The following MTUS2 variants were observed in gnomAD, a reference collection of about 807,000 sequenced individuals.
MTUS2 encodes microtubule-associated tumor suppressor candidate 2.
In MTUS2, 40 loss-of-function variants were observed where a neutral mutation model predicts 114.1. The observed-to-expected ratio is 0.35, with a 90% CI of 0.27 to 0.46. The LOEUF (loss-of-function observed/expected upper bound fraction) is 0.46. Among genes scored for constraint, MTUS2 ranks in the 20% least tolerant of loss-of-function variants. MTUS2 has a pLI of 1.00. For synonymous variants in MTUS2, 688 were observed against 672.0 expected (o/e 1.02, Z -0.37); for missense variants, 1,679 against 1,705.4 (o/e 0.98, Z 0.27).
At chr13:28,859,659 A>G (rs528356374) in intron 2 of MTUS2, among the ~76,000 whole-genome samples, 13 of 152,316 alleles carry the variant, frequency 8.5e-5, no homozygotes, top group African/African-American at 3.1e-4. Context: ...TTTGCAAAAC[A>G]TATTTAACTT....
At chr13:29,143,138 C>G (rs918176288) in intron 5 of MTUS2, among the ~76,000 whole-genome samples, 1 of 152,210 alleles carries the variant, frequency 6.6e-6, no homozygotes, top group Non-Finnish European at 1.5e-5. Flanking sequence ...AAGGCATTCT[C>G]TAAGTCCTGT....
chr13:28,928,115 G>C (rs192323812), intron 2 of MTUS2, among the ~76,000 whole-genome samples: 39 of 152,094 alleles, frequency 2.6e-4, no homozygotes, highest in Middle Eastern at 3.4e-3. Context: ...ATGGAATAAA[G>C]ACTTAAATCT....
intron 2 of MTUS2, among the ~76,000 whole-genome samples, chr13:28,988,041 A>C (rs1226163377): frequency 6.6e-6 from 1 of 152,174 alleles, no homozygotes; most frequent in African/African-American, 2.4e-5. Flanking sequence ...TGGAGGAGGG[A>C]CCCAGGTAGC....
intron 5 of MTUS2, chr13:29,239,694 A>T (rs1351836599): frequency 6.6e-6 from 1 of 151,910 alleles, no homozygotes. Flanking sequence ...CATATCTGAC[A>T]AATAATCTGA....
intron 5 of MTUS2, among the ~76,000 whole-genome samples, chr13:29,232,329 C>T (rs1313439662): frequency 1.3e-5 from 2 of 150,904 alleles, no homozygotes; most frequent in East Asian, 1.9e-4. Flanking sequence ...CACACGCACA[C>T]ATACACATAT....
chr13:29,114,893 T>A (rs936007971), intron 5 of MTUS2, among the ~76,000 whole-genome samples: 1 of 152,136 alleles, frequency 6.6e-6, no homozygotes, highest in African/African-American at 2.4e-5. Flanking sequence ...AACAGAAAAA[T>A]TTTTTAAGTA....
rs76362346 is a variant in MTUS2, at chr13:29,092,517, C to T, written c.2447-8256C>T. 5.6e-3 allele frequency among the ~76,000 whole-genome samples: 852 copies of T among 152,308 alleles called. 6 individuals are homozygous for T. Among genetic ancestry groups the T allele is most frequent in the African/African-American group, 0.019 (802 of 41,580 alleles). ...ATTCTTCTTCACCCACCTCACCCTT[C>T]GATTGTCAGAGTAACCTTATTCATC... is the stretch of plus-strand genomic sequence containing the variant. On this transcript the variant is annotated intron_variant, in intron 4 of 15. Coordinates refer to ENST00000612955, the MANE Select transcript of MTUS2 (RefSeq NM_001033602.4).
chr13:29,253,444 A>G (rs1226005586), intron 5 of MTUS2, among the ~76,000 whole-genome samples: 1 of 152,094 alleles, frequency 6.6e-6, no homozygotes, highest in Admixed American at 6.5e-5. Context: ...AATTAAAAAT[A>G]TAAATAAAAA....
chr13:29,434,271 G>A (rs1198168098), intron 8 of MTUS2, among the ~76,000 whole-genome samples: 2 of 152,122 alleles, frequency 1.3e-5, no homozygotes, highest in Admixed American at 6.5e-5. Context: ...AAAGTTAGAG[G>A]GAAAAGGGGC....
intron 5 of MTUS2, among the ~76,000 whole-genome samples, chr13:29,115,451 G>A (rs1891049581): frequency 6.6e-6 from 1 of 152,160 alleles, no homozygotes; most frequent in South Asian, 2.1e-4. Flanking sequence ...TTTTGACCAG[G>A]CCATATGTCA....
intron 2 of MTUS2, among the ~76,000 whole-genome samples, chr13:28,865,479 T>C (rs1361667816): frequency 6.6e-6 from 1 of 152,248 alleles, no homozygotes; most frequent in African/African-American, 2.4e-5. Flanking sequence ...CAAATTGCCA[T>C]GCTTTTCTCA....
At chr13:28,856,138 C>T (rs1876612330) in intron 2 of MTUS2, among the ~76,000 whole-genome samples, 1 of 152,114 alleles carries the variant, frequency 6.6e-6, no homozygotes, top group Non-Finnish European at 1.5e-5. Flanking sequence ...AAGATGTTCC[C>T]AGGCAGAACA....
chr13:29,324,647 G>T lies in MTUS2; in HGVS notation c.2841G>T (p.Thr947=). ...TKKDAQKDQD[T]NKPAVSSPKR... ...AAGATGCTCAGAAAGATCAAGATAC[G>T]AATAAACCTGCTGTTTCATCTCCTA... Residue 947 remains threonine, a synonymous_variant, in exon 7 of 16, where the codon ACG becomes ACT. Transcript: ENST00000612955. 2 of 1,594,906 alleles carry T rather than the reference G, an allele frequency of 1.3e-6. No individual in the cohort carries two copies. Among genetic ancestry groups the T allele is most frequent in the Non-Finnish European group, 1.7e-6 (2 of 1,170,260 alleles).
intron 2 of MTUS2, among the ~76,000 whole-genome samples, chr13:28,956,381 A>G (rs558409260): frequency 2.0e-5 from 3 of 152,130 alleles, no homozygotes; most frequent in East Asian, 3.9e-4. Flanking sequence ...CATCAGTTCA[A>G]TAGGGCGGCA....
At chr13:29,106,660 A>G (rs1241310171) in intron 5 of MTUS2, among the ~76,000 whole-genome samples, 1 of 152,094 alleles carries the variant, frequency 6.6e-6, no homozygotes, top group South Asian at 2.1e-4. Flanking sequence ...TGGCCATGTC[A>G]TGGCTGCTTT....
In MTUS2 at chr13:29,108,829, C is replaced by T. The variant is rs150563797; in HGVS notation, c.2644+7859C>T. Among the ~76,000 whole-genome samples, 3 of 152,298 alleles carry T rather than the reference C, an allele frequency of 2.0e-5. No homozygotes were observed. The East Asian group carries it at 5.8e-4, about 29-fold the overall frequency. On this transcript the variant is annotated intron_variant, in intron 5 of 15. Transcript: ENST00000612955. ...CTGGCTCAGCACTACTGCATTATGT[C>T]TTCAGATGGAATTCTTCCACATTGG...
chr13:29,380,558 G>C (rs2138360164), intron 8 of MTUS2, among the ~76,000 whole-genome samples: 1 of 152,324 alleles, frequency 6.6e-6, no homozygotes, highest in African/African-American at 2.4e-5. Flanking sequence ...GAATTGTTCA[G>C]CTAGAAGAAG....
At chr13:29,100,521 C>T (rs997288452) in intron 4 of MTUS2, among the ~76,000 whole-genome samples, 7 of 152,180 alleles carry the variant, frequency 4.6e-5, no homozygotes, top group African/African-American at 1.7e-4. Flanking sequence ...CTCAATTCAT[C>T]TGCCTAAGTA....
intron 2 of MTUS2, among the ~76,000 whole-genome samples, chr13:28,847,740 G>A (rs1429450202): frequency 6.6e-6 from 1 of 152,168 alleles, no homozygotes; most frequent in Non-Finnish European, 1.5e-5. Context: ...CTGGTCTCAA[G>A]TCTTGCTAGG....
Sources: allele counts gnomAD v4.1 joint callset (sites outside exome capture counted in the v4.1 genomes callset), GRCh38; gene constraint gnomAD v4.1.1; transcripts MANE v1.5; gene names NCBI Gene and HGNC (gene_info 2026-07-23, HGNC 2026-07-21).